The following GTF2E1 variants were observed in gnomAD, a reference collection of about 807,000 sequenced individuals.
GTF2E1 encodes the protein general transcription factor IIE subunit 1, also known as TFIIE alpha subunit.
In GTF2E1, 14 loss-of-function variants were observed where a neutral mutation model predicts 34.9. That is an observed-to-expected ratio of 0.40 (90% CI 0.27 to 0.63). The LOEUF (loss-of-function observed/expected upper bound fraction) is 0.63, where lower values mean the gene tolerates loss of function less well. GTF2E1 is among the 20% of genes least tolerant of loss of function. The pLI, the probability that GTF2E1 is intolerant of heterozygous loss-of-function variation, is 0.39. For missense variants in GTF2E1, 469 were observed against 557.7 expected (o/e 0.84, Z 1.60); for synonymous variants, 188 against 192.9 (o/e 0.97, Z 0.21).
At chr3:120,746,169 A>G (rs554490928) in intron 1 of GTF2E1, among the ~76,000 whole-genome samples, 1 of 152,310 alleles carries the variant, frequency 6.6e-6, no homozygotes, top group South Asian at 2.1e-4. Flanking sequence ...AGAGTATTAA[A>G]TCTGTTGGGT....
chr3:120,750,735 A>C lies in GTF2E1; in HGVS notation c.183A>C (p.Ser61=), dbSNP rs573561687. 1.9e-6 allele frequency: 3 copies of C among 1,614,102 alleles called. No homozygotes were observed. The South Asian group carries it at 3.3e-5, about 18-fold the overall frequency. ...LLKFDRKQLR[S]VLNNLKGDKF... ...AGTTTGATCGGAAGCAACTTCGATC[A>C]GTTTTGAATAATTTAAAGGGAGACA... Residue 61 remains serine (S), a synonymous_variant, in exon 2 of 5, where the codon TCA becomes TCC. Coordinates refer to ENST00000283875, the MANE Select transcript of GTF2E1 (RefSeq NM_005513.3).
chr3:120,778,977 A>G (rs1709424910), intron 4 of GTF2E1, among the ~76,000 whole-genome samples: 1 of 152,176 alleles, frequency 6.6e-6, no homozygotes, highest in African/African-American at 2.4e-5. Context: ...TTCAGTACCC[A>G]CAATTGCTTA....
chr3:120,773,364 G>T (rs758955953), intron 3 of GTF2E1, among the ~76,000 whole-genome samples: 1 of 152,088 alleles, frequency 6.6e-6, no homozygotes, highest in African/African-American at 2.4e-5. Flanking sequence ...CAATAGAATG[G>T]TATGGGAACT....
chr3:120,766,913 T>C (rs925855931), intron 2 of GTF2E1, among the ~76,000 whole-genome samples: 5 of 152,136 alleles, frequency 3.3e-5, no homozygotes, highest in African/African-American at 1.2e-4. Context: ...GAAAACTGAT[T>C]TGCATTTTTA....
intron 1 of GTF2E1, among the ~76,000 whole-genome samples, chr3:120,749,288 A>G (rs541411119): frequency 1.3e-4 from 20 of 152,182 alleles, no homozygotes; most frequent in Non-Finnish European, 2.6e-4. Flanking sequence ...TTCCAACACT[A>G]TGTTGAATAG....
chr3:120,770,174 C>T (rs1709340162), intron 2 of GTF2E1, among the ~76,000 whole-genome samples: 1 of 152,080 alleles, frequency 6.6e-6, no homozygotes, highest in Admixed American at 6.6e-5. Flanking sequence ...ACTGGAAATC[C>T]AGGTGTGGCT....
intron 2 of GTF2E1, among the ~76,000 whole-genome samples, chr3:120,756,928 A>AAAAC (rs869040964): frequency 2.0e-5 from 3 of 152,178 alleles, no homozygotes; most frequent in Non-Finnish European, 2.9e-5. Flanking sequence ...TTCATCTCAG[A>AAAAC]AAACAAACAA....
At chr3:120,748,027 T>C (rs9822247) in intron 1 of GTF2E1, among the ~76,000 whole-genome samples, 6,198 of 151,564 alleles carry the variant, frequency 0.041, 365 homozygotes, top group African/African-American at 0.14. Context: ...TTCATGTGTT[T>C]TTTGGCTGCA....
chr3:120,775,268 C>A (rs575491989), intron 3 of GTF2E1, among the ~76,000 whole-genome samples: 1 of 152,034 alleles, frequency 6.6e-6, no homozygotes, highest in East Asian at 1.9e-4. Context: ...GGGCTCCACA[C>A]AGGAGATAAT....
intron 2 of GTF2E1, among the ~76,000 whole-genome samples, chr3:120,761,965 T>A (rs1324905697): frequency 6.6e-6 from 1 of 152,078 alleles, no homozygotes; most frequent in Non-Finnish European, 1.5e-5. Context: ...TAATTTTTTG[T>A]ATTTTTAGTA....
intron 1 of GTF2E1, among the ~76,000 whole-genome samples, chr3:120,744,753 C>T (rs1417827738): frequency 2.6e-5 from 4 of 152,146 alleles, no homozygotes; most frequent in Non-Finnish European, 5.9e-5. Flanking sequence ...TCCACCTTCA[C>T]TCACTTGAGT....
intron 1 of GTF2E1, among the ~76,000 whole-genome samples, chr3:120,748,554 T>A (rs1709130664): frequency 6.6e-6 from 1 of 152,174 alleles, no homozygotes; most frequent in South Asian, 2.1e-4. Flanking sequence ...AAAGATCAGA[T>A]AGTTGTAGAT....
In GTF2E1 at chr3:120,781,467, G is replaced by A. The variant is rs1399391863; in HGVS notation, c.1317G>A (p.Glu439=). 1.9e-6 allele frequency: 3 copies of A among 1,608,182 alleles called. No individual in the cohort carries two copies. Among genetic ancestry groups the A allele is most frequent in the African/African-American group, 1.3e-5 (1 of 74,892 alleles). The change falls in exon 5 of 5, where the codon GAG becomes GAA. Residue 439 remains glutamate, a synonymous_variant. Transcript: ENST00000283875. ...MGQRMFEDLF[E] ...AACGCATGTTTGAGGACCTCTTTGA[G>A]TGAGCTTTCCCTAATTCTTTCTCCT...
chr3:120,759,278 A>G (rs1709236654), intron 2 of GTF2E1, among the ~76,000 whole-genome samples: 1 of 151,886 alleles, frequency 6.6e-6, no homozygotes, highest in Non-Finnish European at 1.5e-5. Flanking sequence ...CCACTTTTTG[A>G]TGGGGTCATT....
chr3:120,771,401 G>GTTAAT (rs1312767487), intron 3 of GTF2E1, among the ~76,000 whole-genome samples: 2 of 152,072 alleles, frequency 1.3e-5, no homozygotes, highest in African/African-American at 4.8e-5. Flanking sequence ...TTACCTATGG[G>GTTAAT]TTAATACTCC....
At position 120,781,537 on chromosome 3, in the gene GTF2E1, A is replaced by C; in HGVS notation, c.*67A>C. ...AAAAGGAATGTCTCATCTTTGAAGAAAAGTATTTAAGTGGCTTTCTGCCCC... is the reference window on the plus strand; with the variant it reads ...AAAAGGAATGTCTCATCTTTGAAGACAAGTATTTAAGTGGCTTTCTGCCCC... On this transcript the variant is annotated 3_prime_UTR_variant, in exon 5 of 5. Transcript: ENST00000283875. 1 of 1,276,458 alleles carries C rather than the reference A, an allele frequency of 7.8e-7. No individual in the cohort carries two copies. The highest frequency in any genetic ancestry group is 1.3e-5 in the South Asian group (1 of 74,836). 79.1% of individuals were successfully genotyped at this position (1,276,458 alleles called of 1,614,324 possible).
At chr3:120,757,174 C>T (rs1709216927) in intron 2 of GTF2E1, among the ~76,000 whole-genome samples, 1 of 152,120 alleles carries the variant, frequency 6.6e-6, no homozygotes, top group South Asian at 2.1e-4. Flanking sequence ...TAATATTCAT[C>T]CATGTACCAT....
chr3:120,779,931 G>A (rs1576364339), intron 4 of GTF2E1, among the ~76,000 whole-genome samples: 3 of 152,168 alleles, frequency 2.0e-5, no homozygotes, highest in African/African-American at 7.2e-5. Flanking sequence ...AGTATGTTTG[G>A]TAGTAGTATC....
intron 1 of GTF2E1, among the ~76,000 whole-genome samples, chr3:120,744,755 CACTT>C (rs996810081): frequency 2.0e-5 from 3 of 152,144 alleles, no homozygotes; most frequent in Admixed American, 6.6e-5. Context: ...CACCTTCACT[CACTT>C]GAGTCCGTTC....
Sources: allele counts gnomAD v4.1 joint callset (sites outside exome capture counted in the v4.1 genomes callset), GRCh38; gene constraint gnomAD v4.1.1; transcripts MANE v1.5; gene names NCBI Gene and HGNC (gene_info 2026-07-23, HGNC 2026-07-21).